Variants in ORC3 observed in about 807,000 individuals in gnomAD.
ORC3 encodes origin recognition complex subunit 3.
Under a neutral mutation model 100.7 loss-of-function variants are expected in ORC3, and 78 were observed. That is an observed-to-expected ratio of 0.77 (90% CI 0.65 to 0.94). The LOEUF (loss-of-function observed/expected upper bound fraction) is 0.94. ORC3 is among the 40% of genes least tolerant of loss of function. ORC3 has a pLI of 0.00. For synonymous variants in ORC3, 295 were observed against 289.3 expected (o/e 1.02, Z -0.20); for missense variants, 789 against 823.9 (o/e 0.96, Z 0.52).
intron 4 of ORC3, 27 bp from the exon 5 acceptor site, chr6:87,605,890 A>G (rs752922267): frequency 9.2e-7 from 1 of 1,089,590 alleles, no homozygotes; most frequent in Admixed American, 2.0e-5. Flanking sequence ...AAAAATGGTG[A>G]TGTAATATTG....
At chr6:87,596,182 T>C (rs1299501811) in intron 2 of ORC3, among the ~76,000 whole-genome samples, 1 of 146,098 alleles carries the variant, frequency 6.8e-6, no homozygotes, top group Non-Finnish European at 1.5e-5. Flanking sequence ...TGAGACGGAG[T>C]CTAGCTCTCA....
intron 11 of ORC3, among the ~76,000 whole-genome samples, chr6:87,624,048 T>C (rs2128267619): frequency 6.6e-6 from 1 of 152,332 alleles, no homozygotes; most frequent in South Asian, 2.1e-4. Context: ...TCAAATTACA[T>C]ACTTTGTCAT....
chr6:87,676,011 G>A, the ORC3 span: 1 of 1,183,380 alleles, frequency 8.5e-7, no homozygotes, highest in Non-Finnish European at 1.2e-6. Context: ...AAAATATACA[G>A]TAAAACAATT....
intron 14 of ORC3, 53 bp from the exon 15 acceptor site, chr6:87,656,853 C>A: frequency 2.4e-6 from 3 of 1,231,298 alleles, no homozygotes; most frequent in East Asian, 2.4e-5. Context: ...ATGTTTGTTC[C>A]CTTGACTTGG....
chr6:87,608,091 A>T (rs1178918724), intron 6 of ORC3, among the ~76,000 whole-genome samples: 1 of 152,242 alleles, frequency 6.6e-6, no homozygotes, highest in Non-Finnish European at 1.5e-5. Flanking sequence ...ACAAAAACAG[A>T]GCATCAGGAA....
At chr6:87,594,254 T>G in intron 1 of ORC3, 99 bp from the exon 2 acceptor site, 1 of 759,530 alleles carries the variant, frequency 1.3e-6, no homozygotes, top group Non-Finnish European at 2.1e-6. Context: ...CCCTAACATC[T>G]TTTTTTAAAA....
At chr6:87,652,310 C>T (rs1392095073) in intron 13 of ORC3, among the ~76,000 whole-genome samples, 1 of 152,138 alleles carries the variant, frequency 6.6e-6, no homozygotes, top group Non-Finnish European at 1.5e-5. Context: ...GGTCTGATTC[C>T]TTTTGATGCC....
chr6:87,612,280 G>A, intron 8 of ORC3, 32 bp downstream of exon 8: 1 of 1,516,792 alleles, frequency 6.6e-7, no homozygotes, highest in Non-Finnish European at 8.9e-7. Flanking sequence ...AGTGAAATAG[G>A]ATGAAAAGAA....
chr6:87,626,605 G>A (rs1268197917), intron 11 of ORC3, among the ~76,000 whole-genome samples: 1 of 152,104 alleles, frequency 6.6e-6, no homozygotes. Flanking sequence ...GGACAGCATA[G>A]CAAAACCCCT....
At chr6:87,607,526 A>G in intron 5 of ORC3, 147 bp from the exon 6 acceptor site, 1 of 584,376 alleles carries the variant, frequency 1.7e-6, no homozygotes, top group Non-Finnish European at 3.0e-6. Flanking sequence ...AATATGTTAA[A>G]TGTTACATTA....
In ORC3 at chr6:87,664,861, T is replaced by G. The variant is rs749434559; in HGVS notation, c.1950+2T>G. The G allele has an allele frequency of 3.8e-6, 6 of 1,561,430 alleles. No individual in the cohort carries two copies. The highest frequency in any genetic ancestry group is 5.3e-6 in the Non-Finnish European group (6 of 1,136,720). The stretch of plus-strand genomic sequence containing the variant: ...ATCAACCTCGTGGACTGGTCAGAGG[T>G]AGGTTGTAGGGAAAAGAACAAGCTA... On this transcript the variant is annotated splice_donor_variant, in intron 18 of 19. Transcript: ENST00000392844. LOFTEE classifies it high-confidence loss of function.
Position 87,615,358 on chromosome 6 carries a change from C to A in ORC3, c.874-956C>A, listed in dbSNP as rs544238538. Among the ~76,000 whole-genome samples, 3 of 152,240 alleles carry A rather than the reference C, an allele frequency of 2.0e-5. No homozygotes were observed. The South Asian group carries it at 6.2e-4, about 32-fold the overall frequency. On this transcript the variant is annotated intron_variant, in intron 8 of 19. Coordinates refer to ENST00000392844, the MANE Select transcript of ORC3 (RefSeq NM_012381.4). ...CAGCCAAACCATATCATTGACCTTC[C>A]CCAAATTGCTTCTGGACTCACCTCC...
chr6:87,668,216 T>C (rs1310688597), downstream of ORC3, among the ~76,000 whole-genome samples: 1 of 152,196 alleles, frequency 6.6e-6, no homozygotes, highest in Non-Finnish European at 1.5e-5. Flanking sequence ...ACCATGCAGA[T>C]ATGGGGGGAA....
chr6:87,625,135 G>T (rs1182097324), intron 11 of ORC3, among the ~76,000 whole-genome samples: 5 of 152,126 alleles, frequency 3.3e-5, no homozygotes, highest in African/African-American at 1.2e-4. Context: ...TTGCTATTGT[G>T]AATAGTGCCG....
intron 3 of ORC3, among the ~76,000 whole-genome samples, chr6:87,603,166 G>C (rs1016312222): frequency 7.9e-5 from 12 of 151,192 alleles, no homozygotes; most frequent in African/African-American, 2.2e-4. Context: ...TATCTAAAAA[G>C]ATGAGGTCTC....
chr6:87,644,259 A>AT (rs1768557407), intron 13 of ORC3, among the ~76,000 whole-genome samples: 1 of 149,660 alleles, frequency 6.7e-6, no homozygotes, highest in African/African-American at 2.4e-5. Context: ...CGCCCGGCTA[A>AT]TTTTTTGTAT....
At chr6:87,597,324 T>C (rs992854668) in intron 2 of ORC3, among the ~76,000 whole-genome samples, 4 of 152,172 alleles carry the variant, frequency 2.6e-5, no homozygotes, top group Non-Finnish European at 4.4e-5. Flanking sequence ...ACTTGTGGCA[T>C]CATGTTGGTA....
chr6:87,667,921 C>T (rs1038408606), downstream of ORC3, among the ~76,000 whole-genome samples: 1 of 139,568 alleles, frequency 7.2e-6, no homozygotes, highest in Non-Finnish European at 1.6e-5. Context: ...GAGTGAGACT[C>T]CGTGTCAAAA....
At chr6:87,666,320 C>CG (rs1210868978) in intron 19 of ORC3, among the ~76,000 whole-genome samples, 7 of 150,598 alleles carry the variant, frequency 4.6e-5, no homozygotes, top group African/African-American at 1.7e-4. Context: ...TTAGTAGAGA[C>CG]GGGGTTTCAC....
Sources: gnomAD v4.1 joint callset for allele counts (sites outside exome capture counted in the v4.1 genomes callset) on GRCh38, gnomAD v4.1.1 for gene constraint, MANE v1.5 for transcripts, NCBI Gene and HGNC (gene_info 2026-07-23, HGNC 2026-07-21) for gene names.